Variants in ADAMTS18 observed in about 807,000 individuals in gnomAD.
ADAMTS18 encodes the protein ADAM metallopeptidase with thrombospondin type 1 motif 18, also known as A disintegrin and metalloproteinase with thrombospondin motifs 18.
Under a neutral mutation model 165.9 loss-of-function variants are expected in ADAMTS18, and 157 were observed. The ratio of observed to expected loss-of-function variants is 0.95; its 90% CI spans 0.83 to 1.08. The LOEUF is 1.08. Ranked by LOEUF, ADAMTS18 falls within the 50% of genes least tolerant of loss-of-function variation. ADAMTS18 has a pLI of 0.00. For synonymous variants in ADAMTS18, 782 were observed against 578.2 expected (o/e 1.35, Z -5.06); for missense variants, 2,040 against 1,534.0 (o/e 1.33, Z -5.51).
chr16:77,407,155 T>C (rs1023275128), intron 3 of ADAMTS18, among the ~76,000 whole-genome samples: 5 of 152,108 alleles, frequency 3.3e-5, no homozygotes, highest in African/African-American at 4.8e-5. Context: ...AGAGTGTTCT[T>C]AATAAGAGTC....
intron 3 of ADAMTS18, among the ~76,000 whole-genome samples, chr16:77,425,315 G>C (rs1308741683): frequency 6.6e-6 from 1 of 152,190 alleles, no homozygotes; most frequent in Non-Finnish European, 1.5e-5. Context: ...TGATGCATCA[G>C]GAATTGAGGC....
intron 6 of ADAMTS18, among the ~76,000 whole-genome samples, chr16:77,363,128 C>T (rs1047714730): frequency 6.6e-6 from 1 of 152,128 alleles, no homozygotes; most frequent in Non-Finnish European, 1.5e-5. Context: ...GAATGGTAAT[C>T]GCTATCTCAG....
intron 16 of ADAMTS18, among the ~76,000 whole-genome samples, chr16:77,318,986 A>G (rs1435968065): frequency 6.6e-6 from 1 of 152,232 alleles, no homozygotes; most frequent in Non-Finnish European, 1.5e-5. Flanking sequence ...TGAGGACTAA[A>G]GAAAATGTTT....
intron 17 of ADAMTS18, among the ~76,000 whole-genome samples, chr16:77,297,857 G>A (rs2055503771): frequency 6.9e-6 from 1 of 145,316 alleles, no homozygotes; most frequent in South Asian, 2.3e-4. Flanking sequence ...GCACATAAAA[G>A]CAAAGAGTAG....
At chr16:77,355,202 TTGTGTGTGTG>T (rs141620918) in intron 9 of ADAMTS18, among the ~76,000 whole-genome samples, 30 of 146,700 alleles carry the variant, frequency 2.0e-4, no homozygotes, top group East Asian at 4.0e-4. Context: ...AAAGGTAGGA[TTGTGTGTGTG>T]TGTGTGTGTG....
chr16:77,330,724 C>CA (rs11446564), intron 12 of ADAMTS18, among the ~76,000 whole-genome samples: 1,806 of 150,320 alleles, frequency 0.012, 28 homozygotes, highest in African/African-American at 0.038. Flanking sequence ...TAGCAGTCAA[C>CA]AAAAAAAAAC....
intron 3 of ADAMTS18, among the ~76,000 whole-genome samples, chr16:77,388,597 A>G (rs950801073): frequency 6.6e-6 from 1 of 152,182 alleles, no homozygotes; most frequent in Non-Finnish European, 1.5e-5. Flanking sequence ...AGGATAAATG[A>G]AGGATACAGG....
At chr16:77,300,066 G>C (rs1471586836) in intron 17 of ADAMTS18, 197 bp downstream of exon 17, 4 of 596,622 alleles carry the variant, frequency 6.7e-6, no homozygotes, top group South Asian at 2.1e-5. Flanking sequence ...GTTGATTTGA[G>C]CTTTGTGAGA....
intron 22 of ADAMTS18, among the ~76,000 whole-genome samples, chr16:77,286,162 G>T (rs1362791467): frequency 1.3e-5 from 2 of 152,102 alleles, no homozygotes; most frequent in African/African-American, 4.8e-5. Context: ...TCCTGCCTCG[G>T]GGACTTTGGG....
intron 3 of ADAMTS18, among the ~76,000 whole-genome samples, chr16:77,398,641 T>C (rs1043095714): frequency 9.2e-5 from 14 of 152,038 alleles, no homozygotes; most frequent in Middle Eastern, 3.2e-3. Flanking sequence ...CTGTTGGGGG[T>C]TGGGGGCTGT....
At chr16:77,397,594 G>A (rs1160201941) in intron 3 of ADAMTS18, among the ~76,000 whole-genome samples, 1 of 152,120 alleles carries the variant, frequency 6.6e-6, no homozygotes, top group Non-Finnish European at 1.5e-5. Context: ...GAGTAAAACT[G>A]CCCACTATAC....
At chr16:77,418,944 T>C (rs1203625226) in intron 3 of ADAMTS18, among the ~76,000 whole-genome samples, 2 of 151,920 alleles carry the variant, frequency 1.3e-5, no homozygotes, top group Non-Finnish European at 2.9e-5. Flanking sequence ...AGGTCAGGAG[T>C]TCGAGATCAG....
chr16:77,398,104 G>T, intron 3 of ADAMTS18, among the ~76,000 whole-genome samples: 1 of 152,108 alleles, frequency 6.6e-6, no homozygotes, highest in Non-Finnish European at 1.5e-5. Flanking sequence ...ATCACCTGAG[G>T]TTAGGAGTTC....
intron 3 of ADAMTS18, among the ~76,000 whole-genome samples, chr16:77,395,648 G>C (rs1407369759): frequency 6.6e-6 from 1 of 152,076 alleles, no homozygotes; most frequent in Non-Finnish European, 1.5e-5. Context: ...CACTCACCTT[G>C]ACAGTGTTTT....
chr16:77,387,089 A>G lies in ADAMTS18; in HGVS notation c.496-19366T>C, dbSNP rs1333973984. The stretch of plus-strand genomic sequence containing the variant: ...CAGATTCAGATGCAGAGGGACATAG[A>G]TAAGATGTGTTAGGCAAATGCACAT... On this transcript the variant is annotated intron_variant, in intron 3 of 22. Coordinates refer to ENST00000282849, the MANE Select transcript of ADAMTS18 (RefSeq NM_199355.4). Among the ~76,000 whole-genome samples the G allele has an allele frequency of 2.6e-5, 4 of 152,210 alleles. No homozygotes were observed. The South Asian group carries it at 6.2e-4, about 24-fold the overall frequency.
Position 77,293,157 on chromosome 16 carries a change from T to A in ADAMTS18, c.3108A>T (p.Arg1036Ser). ...LPESQCTSLP[R>S]PELQEGCVLG... The stretch of plus-strand genomic sequence containing the variant: ...GCACACAGCCCTCCTGCAGCTCAGG[T>A]CTGGGGAGACTGGTACACTGGCTCT... The change falls in exon 20 of 23, where the codon AGA (arginine) becomes AGT (serine). Residue 1036 changes from arginine to serine, a missense_variant. Physicochemically the swap from Arg to Ser is moderately radical, Grantham distance 110. Transcript: ENST00000282849. 1 of 1,613,844 alleles carries A rather than the reference T, an allele frequency of 6.2e-7. No homozygotes were observed. The highest frequency in any genetic ancestry group is 1.1e-5 in the South Asian group (1 of 91,036).
chr16:77,370,129 G>C (rs550876842), intron 3 of ADAMTS18, among the ~76,000 whole-genome samples: 4 of 152,142 alleles, frequency 2.6e-5, no homozygotes, highest in Non-Finnish European at 5.9e-5. Context: ...ACATCCTACA[G>C]AATGGGGAAA....
At chr16:77,417,995 A>G (rs1402945753) in intron 3 of ADAMTS18, among the ~76,000 whole-genome samples, 1 of 152,224 alleles carries the variant, frequency 6.6e-6, no homozygotes, top group Non-Finnish European at 1.5e-5. Flanking sequence ...TTTCAAATCT[A>G]CATCCACGTG....
At chr16:77,415,934 C>T (rs1269569776) in intron 3 of ADAMTS18, among the ~76,000 whole-genome samples, 1 of 152,012 alleles carries the variant, frequency 6.6e-6, no homozygotes, top group East Asian at 1.9e-4. Flanking sequence ...CTATTACTTG[C>T]CAGGGATGAT....
Sources: gnomAD v4.1 joint callset for allele counts (sites outside exome capture counted in the v4.1 genomes callset) on GRCh38, gnomAD v4.1.1 for gene constraint, MANE v1.5 for transcripts, NCBI Gene and HGNC (gene_info 2026-07-23, HGNC 2026-07-21) for gene names.